Variants in ZMYM2 observed in about 807,000 individuals in gnomAD.
ZMYM2 encodes zinc finger MYM-type containing 2.
ZMYM2 carries 56 observed loss-of-function variants against 162.8 expected under a neutral mutation model. That is an observed-to-expected ratio of 0.34 (90% confidence interval 0.28 to 0.43). The LOEUF (loss-of-function observed/expected upper bound fraction) is 0.43. ZMYM2 is among the 20% of genes least tolerant of loss of function. The pLI is 1.00. For synonymous variants in ZMYM2, 510 were observed against 541.6 expected, an observed-to-expected ratio of 0.94 and a Z score of 0.81; for missense variants, 1,275 against 1,621.8, an observed-to-expected ratio of 0.79 and a Z score of 3.67.
the ZMYM2 span, among the ~76,000 whole-genome samples, chr13:19,870,595 C>CCTTCCTTCCTTCCTTCCTTCCTTCCTTT: frequency 6.1e-4 from 87 of 142,800 alleles, no homozygotes; most frequent in African/African-American, 2.3e-3. Flanking sequence ...TTCCTTCCTT[C>CCTTCCTTCCTTCCTTCCTTCCTTCCTTT]CTTTCTTTCT....
chr13:20,084,094 C>G (rs967277900), intron 24 of ZMYM2, among the ~76,000 whole-genome samples: 1 of 152,178 alleles, frequency 6.6e-6, no homozygotes, highest in Admixed American at 6.5e-5. Context: ...TCATTGCAAC[C>G]TCAAACTCCT....
the ZMYM2 span, among the ~76,000 whole-genome samples, chr13:19,928,872 T>C: frequency 6.6e-6 from 1 of 151,978 alleles, no homozygotes; most frequent in Non-Finnish European, 1.5e-5. Flanking sequence ...GTCGAACTCC[T>C]GACCTCAGGC....
At chr13:20,083,542 T>A in intron 23 of ZMYM2, 114 bp from the exon 24 acceptor site, 1 of 807,984 alleles carries the variant, frequency 1.2e-6, no homozygotes, top group Non-Finnish European at 1.9e-6. Flanking sequence ...AGCCATAACT[T>A]AAAACTCCAA....
At chr13:19,896,196 T>G in the ZMYM2 span, among the ~76,000 whole-genome samples, 1 of 151,526 alleles carries the variant, frequency 6.6e-6, no homozygotes, top group African/African-American at 2.4e-5. Flanking sequence ...CAGGCTGGAG[T>G]GCAGTGGCAC....
chr13:20,007,592 A>T (rs1950842671), intron 6 of ZMYM2, among the ~76,000 whole-genome samples: 1 of 151,066 alleles, frequency 6.6e-6, no homozygotes, highest in Non-Finnish European at 1.5e-5. Flanking sequence ...GTCTGTGGAG[A>T]AGGTTATATG....
the ZMYM2 span, among the ~76,000 whole-genome samples, chr13:19,896,195 G>A: frequency 1.3e-5 from 2 of 151,676 alleles, no homozygotes; most frequent in South Asian, 2.1e-4. Flanking sequence ...CCAGGCTGGA[G>A]TGCAGTGGCA....
intron 12 of ZMYM2, among the ~76,000 whole-genome samples, chr13:20,046,907 A>G (rs143412109): frequency 9.5e-4 from 145 of 152,218 alleles, no homozygotes; most frequent in African/African-American, 3.4e-3. Flanking sequence ...CAGAATATAC[A>G]AGAAATACTT....
the ZMYM2 span, among the ~76,000 whole-genome samples, chr13:19,873,397 T>TTAA: frequency 3.2e-5 from 4 of 124,994 alleles, no homozygotes; most frequent in Non-Finnish European, 7.5e-5. Context: ...TATTTATTTA[T>TTAA]TTATTTATTT....
At chr13:20,026,822 A>G in intron 8 of ZMYM2, 60 bp downstream of exon 8, 1 of 1,498,968 alleles carries the variant, frequency 6.7e-7, no homozygotes, top group South Asian at 1.3e-5. Context: ...TTTTTGCATA[A>G]ATACTCATTT....
the ZMYM2 span, among the ~76,000 whole-genome samples, chr13:19,902,407 G>A: frequency 4.7e-5 from 7 of 150,504 alleles, no homozygotes; most frequent in Non-Finnish European, 8.9e-5. Context: ...ACCTGAAGTC[G>A]GGAGTTCGAG....
chr13:20,064,378 AG>A (rs1429789735), intron 18 of ZMYM2, 72 bp from the exon 19 acceptor site: 1 of 1,295,838 alleles, frequency 7.7e-7, no homozygotes, highest in Admixed American at 2.2e-5. Context: ...TCCTGTGGTT[AG>A]TTCTTTGTTG....
At chr13:20,037,299 T>C (rs1034849106) in intron 12 of ZMYM2, among the ~76,000 whole-genome samples, 1 of 134,688 alleles carries the variant, frequency 7.4e-6, no homozygotes, top group Non-Finnish European at 1.5e-5. Flanking sequence ...CACTGCAGCC[T>C]CCACCTCCCA....
At position 20,083,793 on chromosome 13, in the gene ZMYM2, C is replaced by T. The variant is rs1392024683; in HGVS notation, c.3941+17C>T. The T allele has an allele frequency of 6.3e-7, 1 of 1,592,722 alleles. No individual in the cohort carries two copies. The highest frequency in any genetic ancestry group is 2.2e-5 in the East Asian group (1 of 44,600). On this transcript the variant is annotated intron_variant, in intron 24 of 24. Coordinates refer to ENST00000610343, the MANE Select transcript of ZMYM2 (RefSeq NM_197968.4). ...GTCTAAAAGGTGAGTGTTAATGATACTTAACTTTTAAAAATGTTGGTAGAA... is the reference window on the plus strand; with the variant it reads ...GTCTAAAAGGTGAGTGTTAATGATATTTAACTTTTAAAAATGTTGGTAGAA...
chr13:19,964,502 C>T (rs1009392410), intron 2 of ZMYM2, among the ~76,000 whole-genome samples: 1 of 152,244 alleles, frequency 6.6e-6, no homozygotes, highest in Non-Finnish European at 1.5e-5. Context: ...TGGACTCAAG[C>T]GATCTTCCCA....
At chr13:19,870,621 T>C in the ZMYM2 span, among the ~76,000 whole-genome samples, 2 of 149,038 alleles carry the variant, frequency 1.3e-5, no homozygotes, top group Non-Finnish European at 2.9e-5. Context: ...TCCTTCTTTT[T>C]TGAGACAGAG....
At chr13:20,077,457 A>G (rs1353850188) in intron 21 of ZMYM2, among the ~76,000 whole-genome samples, 2 of 150,578 alleles carry the variant, frequency 1.3e-5, no homozygotes, top group East Asian at 1.9e-4. Flanking sequence ...TACACAGACA[A>G]ATAATATTTA....
At chr13:19,893,175 G>A in the ZMYM2 span, among the ~76,000 whole-genome samples, 1 of 149,694 alleles carries the variant, frequency 6.7e-6, no homozygotes, top group African/African-American at 2.5e-5. Context: ...GCTCACGCCT[G>A]TAATCCCAGC....
At chr13:19,944,781 C>T in the ZMYM2 span, among the ~76,000 whole-genome samples, 5 of 152,254 alleles carry the variant, frequency 3.3e-5, no homozygotes, top group African/African-American at 1.2e-4. Flanking sequence ...GCAATTCTCC[C>T]TGCCTCAGCC....
At chr13:19,863,881 T>C in the ZMYM2 span, 2 of 150,966 alleles carry the variant, frequency 1.3e-5, no homozygotes, top group East Asian at 4.0e-4. Flanking sequence ...CCGGTCGGGT[T>C]GTCTCCCCGC....
Sources: allele counts gnomAD v4.1 joint callset (sites outside exome capture counted in the v4.1 genomes callset), GRCh38; gene constraint gnomAD v4.1.1; transcripts MANE v1.5; gene names NCBI Gene and HGNC (gene_info 2026-07-23, HGNC 2026-07-21).